The following RBPJ variants were observed in gnomAD, a reference collection of about 807,000 sequenced individuals.
RBPJ encodes the protein recombining binding protein suppressor of hairless.
Under a neutral mutation model 67.8 loss-of-function variants are expected in RBPJ, and 9 were observed. The observed-to-expected ratio is 0.13, with a 90% CI of 0.08 to 0.23. The LOEUF (loss-of-function observed/expected upper bound fraction) is 0.23. RBPJ is among the 10% of genes least tolerant of loss of function. The pLI, the probability that RBPJ is intolerant of heterozygous loss-of-function variation, is 1.00. For synonymous variants in RBPJ, 198 were observed against 203.3 expected, an observed-to-expected ratio of 0.97 and a Z score of 0.22; for missense variants, 305 against 595.6, an observed-to-expected ratio of 0.51 and a Z score of 5.08.
chr4:26,170,040 G>C (rs1055599324), intron 1 of RBPJ, among the ~76,000 whole-genome samples: 19 of 152,118 alleles, frequency 1.2e-4, no homozygotes, highest in Non-Finnish European at 2.4e-4. Context: ...GTGAGGCAAT[G>C]CCTCACCGTG....
chr4:26,391,115 A>G (rs924969346), intron 2 of RBPJ, among the ~76,000 whole-genome samples: 1 of 152,232 alleles, frequency 6.6e-6, no homozygotes, highest in Non-Finnish European at 1.5e-5. Flanking sequence ...TGTGGATTCA[A>G]CACAATCACA....
At chr4:26,214,024 C>G (rs1302736526) in intron 1 of RBPJ, among the ~76,000 whole-genome samples, 2 of 151,926 alleles carry the variant, frequency 1.3e-5, no homozygotes, top group Non-Finnish European at 2.9e-5. Flanking sequence ...ACTGAAGAAA[C>G]CTGTAATCCC....
chr4:26,192,882 G>C (rs1717619593), intron 1 of RBPJ, among the ~76,000 whole-genome samples: 1 of 152,200 alleles, frequency 6.6e-6, no homozygotes, highest in Admixed American at 6.5e-5. Context: ...GACTTTGCAG[G>C]TGTGATTACA....
rs1736381238 is a variant in RBPJ, at chr4:26,433,171, A to G, written c.*2164A>G. 1 of 152,192 alleles carries G rather than the reference A, an allele frequency of 6.6e-6. No homozygotes were observed. The highest frequency in any genetic ancestry group is 6.5e-5 in the Admixed American group (1 of 15,282). The allele number at this position is 152,192 out of a possible 1,614,324, so 9.4% of individuals were successfully genotyped here. ...CTGCCTCACACCTTAAATCTGTTTC[A>G]GTGATCAAGGGCAGAACTCATTGTG... On this transcript the variant is annotated 3_prime_UTR_variant, in exon 11 of 11. Coordinates refer to ENST00000355476, the MANE Select transcript of RBPJ (RefSeq NM_015874.6).
chr4:26,387,573 C>A (rs1307586374), intron 2 of RBPJ, among the ~76,000 whole-genome samples: 4 of 152,030 alleles, frequency 2.6e-5, no homozygotes, highest in Admixed American at 2.6e-4. Flanking sequence ...TAAGTGATTC[C>A]TGAGAAACTG....
chr4:26,315,858 A>G (rs1287415143), upstream of RBPJ, among the ~76,000 whole-genome samples: 1 of 152,138 alleles, frequency 6.6e-6, no homozygotes, highest in Non-Finnish European at 1.5e-5. Context: ...AAATTTAGTA[A>G]TATCTCTCCT....
intron 1 of RBPJ, among the ~76,000 whole-genome samples, chr4:26,256,324 G>T (rs1159034127): frequency 1.3e-5 from 2 of 151,638 alleles, no homozygotes; most frequent in Non-Finnish European, 2.9e-5. Context: ...CTAGCATGAT[G>T]TTTCTGGAGA....
At chr4:26,125,857 T>G in the RBPJ span, among the ~76,000 whole-genome samples, 1 of 151,976 alleles carries the variant, frequency 6.6e-6, no homozygotes, top group Non-Finnish European at 1.5e-5. Context: ...TCATGGCGGA[T>G]TATAGGATGC....
intron 2 of RBPJ, among the ~76,000 whole-genome samples, chr4:26,387,512 C>A (rs1392046138): frequency 6.6e-6 from 1 of 152,012 alleles, no homozygotes; most frequent in Non-Finnish European, 1.5e-5. Flanking sequence ...AAAACCTGGA[C>A]AAAATATGTA....
At chr4:26,287,091 C>A (rs1479942228) in intron 1 of RBPJ, among the ~76,000 whole-genome samples, 1 of 152,108 alleles carries the variant, frequency 6.6e-6, no homozygotes, top group East Asian at 1.9e-4. Context: ...CTGGCCTAAA[C>A]TAAAAGCTTT....
chr4:26,179,706 A>G (rs1043140523), intron 1 of RBPJ, among the ~76,000 whole-genome samples: 4 of 152,200 alleles, frequency 2.6e-5, no homozygotes, highest in Non-Finnish European at 5.9e-5. Context: ...GAACAGTTAC[A>G]CACTGTCAGT....
At chr4:26,109,622 T>C in the RBPJ span, among the ~76,000 whole-genome samples, 2 of 20,998 alleles carry the variant, frequency 9.5e-5, no homozygotes, top group Non-Finnish European at 1.7e-4. Context: ...CTGTCCACCT[T>C]CCTCTCTCTC....
intron 4 of RBPJ, among the ~76,000 whole-genome samples, chr4:26,418,696 G>C (rs1339600512): frequency 6.6e-6 from 1 of 152,002 alleles, no homozygotes; most frequent in East Asian, 1.9e-4. Context: ...ACATTTTTAA[G>C]CTTTCCCATT....
intron 1 of RBPJ, among the ~76,000 whole-genome samples, chr4:26,285,400 A>G (rs1721429784): frequency 6.6e-6 from 1 of 151,936 alleles, no homozygotes; most frequent in African/African-American, 2.4e-5. Context: ...CAATAAACGC[A>G]TATTATCTCT....
the RBPJ span, among the ~76,000 whole-genome samples, chr4:26,132,809 C>A: frequency 1.3e-5 from 2 of 151,928 alleles, no homozygotes; most frequent in Non-Finnish European, 1.5e-5. Context: ...TACTTCTCAA[C>A]CCCCCCACCC....
intron 1 of RBPJ, among the ~76,000 whole-genome samples, chr4:26,245,951 A>G (rs541477614): frequency 6.6e-6 from 1 of 152,324 alleles, no homozygotes; most frequent in African/African-American, 2.4e-5. Flanking sequence ...ATGCCACACA[A>G]TTTTGATTAC....
chr4:26,321,518 G>T (rs1218497426), intron 1 of RBPJ: 2 of 151,396 alleles, frequency 1.3e-5, no homozygotes, highest in East Asian at 2.0e-4. Flanking sequence ...TGTCCGACCC[G>T]TGGCGTCCCG....
chr4:26,248,952 A>C (rs1333388397), intron 1 of RBPJ, among the ~76,000 whole-genome samples: 1 of 152,262 alleles, frequency 6.6e-6, no homozygotes, highest in Non-Finnish European at 1.5e-5. Flanking sequence ...ATAGGAAAGA[A>C]TCTTACAGAC....
intron 1 of RBPJ, among the ~76,000 whole-genome samples, chr4:26,338,818 C>T (rs1207305719): frequency 1.3e-5 from 2 of 151,894 alleles, no homozygotes; most frequent in Admixed American, 1.3e-4. Context: ...CGTGATCCAC[C>T]TGCCTCGGCC....
Sources: allele counts gnomAD v4.1 joint callset (sites outside exome capture counted in the v4.1 genomes callset), GRCh38; gene constraint gnomAD v4.1.1; transcripts MANE v1.5; gene names NCBI Gene and HGNC (gene_info 2026-07-23, HGNC 2026-07-21).